RDX: variants seen among roughly 807,000 people sequenced by gnomAD.
The protein encoded by RDX is radixin.
Under a neutral mutation model 83.7 loss-of-function variants are expected in RDX, and 32 were observed. The observed-to-expected ratio is 0.38, with a 90% CI of 0.29 to 0.51. The LOEUF is 0.51. Among genes scored for constraint, RDX ranks in the 20% least tolerant of loss-of-function variants. RDX has a pLI of 0.87. For missense variants in RDX, 600 were observed against 689.9 expected, an observed-to-expected ratio of 0.87 and a Z score of 1.46; for synonymous variants, 229 against 222.7, an observed-to-expected ratio of 1.03 and a Z score of -0.25.
chr11:110,253,209 A>G (rs1859408899), intron 9 of RDX, among the ~76,000 whole-genome samples: 1 of 152,166 alleles, frequency 6.6e-6, no homozygotes, highest in South Asian at 2.1e-4. Flanking sequence ...TTTAAAATAC[A>G]TATGTTTAGG....
chr11:110,289,428 T>C (rs1264310348), intron 1 of RDX, among the ~76,000 whole-genome samples: 3 of 152,142 alleles, frequency 2.0e-5, no homozygotes, highest in Non-Finnish European at 4.4e-5. Flanking sequence ...AGCAGTAAGC[T>C]TTCTGGTGAT....
chr11:110,239,695 C>A (rs559042157), intron 10 of RDX, among the ~76,000 whole-genome samples: 6 of 151,580 alleles, frequency 4.0e-5, no homozygotes, highest in Non-Finnish European at 1.5e-5. Flanking sequence ...GTGGCTCACG[C>A]CTGTAAATCC....
intron 5 of RDX, among the ~76,000 whole-genome samples, chr11:110,261,103 A>C (rs1341614297): frequency 6.6e-6 from 1 of 152,112 alleles, no homozygotes. Context: ...ATTACTCCCA[A>C]AACTGTATCT....
chr11:110,291,703 A>G (rs909985406), intron 1 of RDX, among the ~76,000 whole-genome samples: 2 of 152,170 alleles, frequency 1.3e-5, no homozygotes, highest in Non-Finnish European at 2.9e-5. Context: ...GCAGCAGCCA[A>G]ATTGAGATGG....
intron 10 of RDX, among the ~76,000 whole-genome samples, chr11:110,244,435 A>C (rs920546716): frequency 6.6e-6 from 1 of 151,536 alleles, no homozygotes; most frequent in South Asian, 2.1e-4. Context: ...AAACTTTAGA[A>C]TATTATGTTA....
At chr11:110,241,718 G>A (rs991823303) in intron 10 of RDX, among the ~76,000 whole-genome samples, 6 of 152,004 alleles carry the variant, frequency 3.9e-5, no homozygotes. Flanking sequence ...TTGAAAGTAG[G>A]GTCTCAAACC....
chr11:110,264,918 T>C (rs780830404), intron 3 of RDX, 44 bp from the exon 4 acceptor site: 1 of 1,390,984 alleles, frequency 7.2e-7, no homozygotes, highest in East Asian at 2.3e-5. Context: ...CAGTCCAACA[T>C]ACACATTGTG....
chr11:110,179,765 C>G (rs1862844404), intron 15 of RDX: 1 of 315,164 alleles, frequency 3.2e-6, no homozygotes, highest in Admixed American at 3.8e-5. Flanking sequence ...GAGCAAGATT[C>G]TGTCTAAAAA....
At chr11:110,242,770 T>C (rs375934082) in intron 10 of RDX, among the ~76,000 whole-genome samples, 4 of 152,180 alleles carry the variant, frequency 2.6e-5, no homozygotes, top group East Asian at 1.9e-4. Context: ...AACAGTCATA[T>C]AGCCCATAAA....
rs536846726 is a variant in RDX, at chr11:110,219,172, G to A, written c.1748+12701C>T. 3.9e-5 allele frequency among the ~76,000 whole-genome samples: 6 copies of A among 152,318 alleles called. No homozygotes were observed. The South Asian group carries it at 1.2e-3, about 32-fold the overall frequency. On this transcript the variant is annotated intron_variant, in intron 14 of 15. Coordinates refer to the RDX transcript ENST00000528498. ...GGCATTTAAGCAAATTCCTGGAGGT[G>A]GCAAGGGAGTGAATCATAACAATAT...
chr11:110,247,900 T>C (rs1859175725), intron 9 of RDX, 67 bp from the exon 10 acceptor site: 2 of 1,499,360 alleles, frequency 1.3e-6, no homozygotes, highest in Admixed American at 2.0e-5. Context: ...GATGGAATAC[T>C]ACTCTGCCAT....
chr11:110,177,661 T>G (rs984589251), intron 15 of RDX, among the ~76,000 whole-genome samples: 4 of 151,990 alleles, frequency 2.6e-5, no homozygotes, highest in African/African-American at 4.8e-5. Flanking sequence ...GTGTGTGTGT[T>G]TTTGGTAGAG....
chr11:110,238,449 A>G (rs1312467477), intron 10 of RDX, among the ~76,000 whole-genome samples: 1 of 152,240 alleles, frequency 6.6e-6, no homozygotes, highest in Non-Finnish European at 1.5e-5. Flanking sequence ...ACAGAAGACA[A>G]TAGAATGCCA....
intron 3 of RDX, among the ~76,000 whole-genome samples, chr11:110,267,579 A>G (rs1860108301): frequency 6.6e-6 from 1 of 150,868 alleles, no homozygotes; most frequent in Non-Finnish European, 1.5e-5. Context: ...TAATCTTAAA[A>G]CATTCCAGGC....
chr11:110,240,108 C>T (rs12798091), intron 10 of RDX, among the ~76,000 whole-genome samples: 66,639 of 152,004 alleles, frequency 0.44, 14,776 homozygotes, highest in East Asian at 0.61. Context: ...TGTACTCCTA[C>T]GTTTATTGCA....
At chr11:110,292,531 T>C (rs1252662903) in intron 1 of RDX, among the ~76,000 whole-genome samples, 1 of 152,132 alleles carries the variant, frequency 6.6e-6, no homozygotes, top group Non-Finnish European at 1.5e-5. Flanking sequence ...AGTTGGAGAA[T>C]TTTCTGCTAT....
At chr11:110,277,704 A>C in intron 2 of RDX, among the ~76,000 whole-genome samples, 1 of 151,392 alleles carries the variant, frequency 6.6e-6, no homozygotes, top group East Asian at 1.9e-4. Context: ...GAGTTGTGTT[A>C]TTATTCAACT....
At chr11:110,233,130 G>T in intron 13 of RDX, 107 bp downstream of exon 13, 2 of 1,368,510 alleles carry the variant, frequency 1.5e-6, no homozygotes, top group Non-Finnish European at 2.1e-6. Flanking sequence ...CCAATCACAA[G>T]GGCAGCCAGT....
rs1230308228 is a variant in RDX at position 110,212,321 on chromosome 11, G to T, written c.1749-12643C>A. Reference sequence around the variant, plus strand: ...ATCTCTGAATAGACCAATAACAGGAGCTGAAATTGTGGCAATAATCAATAG... The same window carrying T: ...ATCTCTGAATAGACCAATAACAGGATCTGAAATTGTGGCAATAATCAATAG... On this transcript the variant is annotated intron_variant, in intron 14 of 15. Coordinates refer to the RDX transcript ENST00000528498. Among the ~76,000 whole-genome samples the T allele has an allele frequency of 3.1e-4, 45 of 147,462 alleles. 1 individual carries two copies. Among genetic ancestry groups the T allele is most frequent in the African/African-American group, 1.7e-4 (7 of 40,038 alleles).
Sources: gnomAD v4.1 joint callset for allele counts (sites outside exome capture counted in the v4.1 genomes callset) on GRCh38, gnomAD v4.1.1 for gene constraint, MANE v1.5 for transcripts, NCBI Gene and HGNC (gene_info 2026-07-23, HGNC 2026-07-21) for gene names.